The following TENM2 variants were observed in gnomAD, a reference collection of about 807,000 sequenced individuals.
The protein encoded by TENM2 is teneurin-2.
A neutral mutation model predicts 245.2 loss-of-function variants in TENM2; 52 were observed. The observed-to-expected ratio is 0.21, with a 90% CI of 0.17 to 0.27. The LOEUF (loss-of-function observed/expected upper bound fraction) is 0.27, where lower values mean the gene tolerates loss of function less well. Ranked by LOEUF, TENM2 falls within the 10% of genes least tolerant of loss-of-function variation. The pLI is 1.00. For synonymous variants in TENM2, 1,363 were observed against 1,438.9 expected, an observed-to-expected ratio of 0.95 and a Z score of 1.19; for missense variants, 3,046 against 3,666.8, an observed-to-expected ratio of 0.83 and a Z score of 4.37.
the TENM2 span, among the ~76,000 whole-genome samples, chr5:167,048,661 G>A: frequency 6.6e-6 from 1 of 152,222 alleles, no homozygotes; most frequent in South Asian, 2.1e-4. Flanking sequence ...TTTCAAAAAT[G>A]TGCCACATCT....
intron 1 of TENM2, among the ~76,000 whole-genome samples, chr5:167,351,340 C>A (rs538817704): frequency 9.2e-5 from 14 of 152,036 alleles, no homozygotes; most frequent in South Asian, 2.1e-4. Context: ...GTGACACCAC[C>A]ATCTTGAAGC....
the TENM2 span, among the ~76,000 whole-genome samples, chr5:167,108,280 C>G: frequency 2.0e-5 from 3 of 152,130 alleles, no homozygotes; most frequent in Admixed American, 2.0e-4. Context: ...AACGGGCCAC[C>G]ACGTCCAGCT....
the TENM2 span, among the ~76,000 whole-genome samples, chr5:167,025,059 G>A: frequency 6.6e-6 from 1 of 152,048 alleles, no homozygotes; most frequent in Non-Finnish European, 1.5e-5. Context: ...TTGATTCTAA[G>A]GTACAGGTGA....
At chr5:167,554,477 A>G (rs1773139402) in intron 2 of TENM2, among the ~76,000 whole-genome samples, 1 of 152,224 alleles carries the variant, frequency 6.6e-6, no homozygotes, top group Admixed American at 6.5e-5. Flanking sequence ...ATTGTGGGTT[A>G]TAGTCCTGCT....
Position 167,739,943 on chromosome 5 carries a change from T to G in TENM2, c.503-136043T>G, listed in dbSNP as rs187335039. Among the ~76,000 whole-genome samples, 8 of 152,318 alleles carry G rather than the reference T, an allele frequency of 5.3e-5. No individual in the cohort carries two copies. The East Asian group carries it at 1.5e-3, about 29-fold the overall frequency. On this transcript the variant is annotated intron_variant, in intron 2 of 28. Coordinates refer to ENST00000518659, the Ensembl canonical transcript of TENM2. ...ACCCTCGCTTCCCCTTGTTATCTCC[T>G]GGAAATAGTTGTTTTTCTGTGTAAG... is the stretch of plus-strand genomic sequence containing the variant.
At chr5:167,825,409 T>G (rs534842612) in intron 2 of TENM2, among the ~76,000 whole-genome samples, 11 of 152,308 alleles carry the variant, frequency 7.2e-5, no homozygotes, top group African/African-American at 2.2e-4. Flanking sequence ...AAGACCCTAG[T>G]GGTTCCATGA....
chr5:167,962,728 G>T (rs1434425703), intron 4 of TENM2, among the ~76,000 whole-genome samples: 1 of 152,052 alleles, frequency 6.6e-6, no homozygotes, highest in Non-Finnish European at 1.5e-5. Flanking sequence ...CAAAAGGGGT[G>T]AAAACCCCTT....
the TENM2 span, among the ~76,000 whole-genome samples, chr5:167,087,902 G>C: frequency 2.6e-5 from 4 of 151,722 alleles, no homozygotes; most frequent in Admixed American, 6.6e-5. Context: ...CAATTCTCCT[G>C]CCTCAGCCTT....
chr5:167,954,627 C>T (rs544850567), intron 4 of TENM2, among the ~76,000 whole-genome samples: 2 of 152,276 alleles, frequency 1.3e-5, no homozygotes, highest in South Asian at 4.1e-4. Context: ...GGCCCCTGCC[C>T]CCTCACAGGC....
intron 12 of TENM2, among the ~76,000 whole-genome samples, chr5:168,133,025 A>G (rs760384411): frequency 6.6e-6 from 1 of 152,164 alleles, no homozygotes; most frequent in Non-Finnish European, 1.5e-5. Context: ...CTTTGACTCT[A>G]CCATATACAT....
the TENM2 span, among the ~76,000 whole-genome samples, chr5:167,142,755 T>G: frequency 4.6e-5 from 7 of 152,308 alleles, no homozygotes; most frequent in South Asian, 1.5e-3. Context: ...TTTCACCATG[T>G]TGGCCAGGTT....
intron 3 of TENM2, among the ~76,000 whole-genome samples, chr5:167,899,422 C>CAATAAT (rs897282965): frequency 1.3e-5 from 2 of 152,102 alleles, no homozygotes; most frequent in Non-Finnish European, 2.9e-5. Flanking sequence ...GTAATAATAA[C>CAATAAT]AATAATAATA....
At chr5:167,836,298 T>C (rs1768980615) in intron 2 of TENM2, among the ~76,000 whole-genome samples, 1 of 152,214 alleles carries the variant, frequency 6.6e-6, no homozygotes, top group Non-Finnish European at 1.5e-5. Context: ...CCCTTCATAA[T>C]TGTCTATTGG....
At chr5:167,681,690 A>AT (rs1756718078) in intron 2 of TENM2, among the ~76,000 whole-genome samples, 1 of 152,152 alleles carries the variant, frequency 6.6e-6, no homozygotes, top group Non-Finnish European at 1.5e-5. Flanking sequence ...TAATACATAC[A>AT]AATATATGTA....
chr5:167,590,637 G>C (rs1775813092), intron 2 of TENM2, among the ~76,000 whole-genome samples: 1 of 152,056 alleles, frequency 6.6e-6, no homozygotes, highest in Admixed American at 6.6e-5. Flanking sequence ...GTATGTGTAT[G>C]TAGAAAAGCA....
the TENM2 span, among the ~76,000 whole-genome samples, chr5:167,211,039 G>A: frequency 6.6e-6 from 1 of 152,264 alleles, no homozygotes; most frequent in South Asian, 2.1e-4. Flanking sequence ...GAAAGGGAGG[G>A]ACTCAGGGGA....
chr5:168,243,947 T>G (rs1215666205), intron 25 of TENM2, among the ~76,000 whole-genome samples: 2 of 149,114 alleles, frequency 1.3e-5, no homozygotes, highest in African/African-American at 2.4e-5. Flanking sequence ...GTTTTTTTTT[T>G]TTTTTTTTTT....
the TENM2 span, among the ~76,000 whole-genome samples, chr5:167,111,845 C>T: frequency 6.6e-6 from 1 of 152,314 alleles, no homozygotes; most frequent in Non-Finnish European, 1.5e-5. Context: ...CATGTCCTTT[C>T]TTATTGTTTT....
chr5:168,088,711 GC>G (rs1792671197), intron 7 of TENM2, among the ~76,000 whole-genome samples: 2 of 152,132 alleles, frequency 1.3e-5, no homozygotes, highest in South Asian at 2.1e-4. Context: ...AAGTAGATTT[GC>G]CCAACATCAA....
Sources: allele counts gnomAD v4.1 joint callset (sites outside exome capture counted in the v4.1 genomes callset), GRCh38; gene constraint gnomAD v4.1.1; transcripts MANE v1.5; gene names NCBI Gene and HGNC (gene_info 2026-07-23, HGNC 2026-07-21).